PRKN: variants seen among roughly 807,000 people sequenced by gnomAD.
PRKN encodes E3 ubiquitin-protein ligase parkin.
PRKN carries 56 observed loss-of-function variants against 59.5 expected under a neutral mutation model. That is an observed-to-expected ratio of 0.94 (90% confidence interval 0.76 to 1.18). The LOEUF is 1.18. PRKN is among the 50% of genes most tolerant of loss of function. The pLI, the probability that PRKN is intolerant of heterozygous loss-of-function variation, is 0.00. For synonymous variants in PRKN, 250 were observed against 222.1 expected (o/e 1.13, Z -1.12); for missense variants, 657 against 596.4 (o/e 1.10, Z -1.06).
At position 161,369,705 on chromosome 6, in the gene PRKN, T is replaced by G. The variant is rs1342599400; in HGVS notation, c.1168-9500A>C. On this transcript the variant is annotated intron_variant, in intron 10 of 11. Transcript: ENST00000366898. This position sits in a 1 kb window ranked among gnomAD's most constrained non-coding sequence, Gnocchi z 5.8. ...AGGTGGGGGTGGAACAGGACAAGTC[T>G]CTCTCCTAATATACTTCATGGCTGA... 6.6e-6 allele frequency among the ~76,000 whole-genome samples: 1 copy of G among 152,022 alleles called. No individual in the cohort carries two copies. Among genetic ancestry groups the G allele is most frequent in the Non-Finnish European group, 1.5e-5 (1 of 68,014 alleles).
chr6:162,026,493 A>G (rs560810004), intron 5 of PRKN, among the ~76,000 whole-genome samples: 5 of 152,318 alleles, frequency 3.3e-5, no homozygotes, highest in African/African-American at 1.2e-4. Context: ...TCATGCATTA[A>G]GACACATTCA....
chr6:162,470,723 T>G (rs574556135), intron 1 of PRKN, among the ~76,000 whole-genome samples: 1 of 152,262 alleles, frequency 6.6e-6, no homozygotes, highest in South Asian at 2.1e-4. Context: ...CCTGAGGCAT[T>G]CACACTTTAA....
At chr6:162,338,523 G>T (rs942253805) in intron 2 of PRKN, among the ~76,000 whole-genome samples, 1 of 152,176 alleles carries the variant, frequency 6.6e-6, no homozygotes, top group Admixed American at 6.5e-5. Context: ...CGAGGTGCCG[G>T]GATTGCAGAC....
chr6:162,199,544 G>C (rs1445071320), intron 4 of PRKN, among the ~76,000 whole-genome samples: 1 of 152,166 alleles, frequency 6.6e-6, no homozygotes, highest in African/African-American at 2.4e-5. Context: ...CTTAGGCACA[G>C]ATTGGGGTAG....
At chr6:161,729,503 A>G (rs895077539) in intron 7 of PRKN, among the ~76,000 whole-genome samples, 1 of 152,224 alleles carries the variant, frequency 6.6e-6, no homozygotes, top group African/African-American at 2.4e-5. Context: ...AATCAATTCA[A>G]AAAATGTCTT....
intron 2 of PRKN, among the ~76,000 whole-genome samples, chr6:162,297,328 T>C (rs968039351): frequency 6.6e-6 from 1 of 152,154 alleles, no homozygotes; most frequent in African/African-American, 2.4e-5. Context: ...TACAAGATCC[T>C]GGTAGTAATA....
intron 6 of PRKN, among the ~76,000 whole-genome samples, chr6:161,845,044 A>G (rs1472652287): frequency 6.6e-6 from 1 of 152,260 alleles, no homozygotes; most frequent in Non-Finnish European, 1.5e-5. Flanking sequence ...TAGAAAATTC[A>G]AACAGCTTGG....
chr6:161,609,784 T>C (rs972427688), intron 7 of PRKN, among the ~76,000 whole-genome samples: 3 of 152,186 alleles, frequency 2.0e-5, no homozygotes, highest in Non-Finnish European at 4.4e-5. Context: ...TGGACTCAGC[T>C]TGGGGAGTCG....
intron 6 of PRKN, among the ~76,000 whole-genome samples, chr6:161,895,508 C>T (rs1777581964): frequency 7.5e-6 from 1 of 132,682 alleles, no homozygotes; most frequent in African/African-American, 3.5e-5. Flanking sequence ...GCCCACCCCA[C>T]CTGCCGTTAT....
rs753479306 is a variant in PRKN, at chr6:161,525,665, A to G, written c.1083+23189T>C. ...AACAGAGACAAGAGAACCTACCTGC[A>G]CTTAGTATCCCTGTACTTGGGATCT... On this transcript the variant is annotated intron_variant, in intron 9 of 11. Transcript: ENST00000366898. The surrounding 1 kb of genome is among the most constrained non-coding windows in gnomAD (Gnocchi z 4.7). Among the ~76,000 whole-genome samples, 1 of 152,314 alleles carries G rather than the reference A, an allele frequency of 6.6e-6. No homozygotes were observed. Among genetic ancestry groups the G allele is most frequent in the South Asian group, 2.1e-4 (1 of 4,828 alleles).
intron 4 of PRKN, among the ~76,000 whole-genome samples, chr6:162,137,775 A>G (rs1781608879): frequency 6.6e-6 from 1 of 152,224 alleles, no homozygotes; most frequent in African/African-American, 2.4e-5. Flanking sequence ...TCCACTCATG[A>G]GGGCAGAGCC....
In PRKN at chr6:161,445,062, C is replaced by T. The variant is rs186595850; in HGVS notation, c.1084-58185G>A. On this transcript the variant is annotated intron_variant, in intron 9 of 11. Coordinates refer to ENST00000366898, the MANE Select transcript of PRKN (RefSeq NM_004562.3). This position sits in a 1 kb window ranked among gnomAD's most constrained non-coding sequence, Gnocchi z 7.7. The stretch of plus-strand genomic sequence containing the variant: ...TTTTACTCTGGATTCCAAGAGTAGA[C>T]TGGGCTTCAGGGACCAGATGCCAGG... Among the ~76,000 whole-genome samples, 18 of 152,162 alleles carry T rather than the reference C, an allele frequency of 1.2e-4. No homozygotes were observed. Among genetic ancestry groups the T allele is most frequent in the Admixed American group, 9.8e-4 (15 of 15,278 alleles).
intron 7 of PRKN, among the ~76,000 whole-genome samples, chr6:161,572,628 C>T (rs1261380626): frequency 1.3e-5 from 2 of 151,756 alleles, no homozygotes; most frequent in Non-Finnish European, 2.9e-5. Flanking sequence ...CCAATGCACT[C>T]CAGCCTGGGC....
At chr6:161,512,557 C>T (rs1012404636) in intron 9 of PRKN, among the ~76,000 whole-genome samples, 1 of 152,162 alleles carries the variant, frequency 6.6e-6, no homozygotes, top group African/African-American at 2.4e-5. Flanking sequence ...TTTCAGGTCA[C>T]CATATTGAAC....
chr6:162,430,010 T>C (rs970822931), intron 2 of PRKN, among the ~76,000 whole-genome samples: 4 of 152,154 alleles, frequency 2.6e-5, no homozygotes, highest in African/African-American at 9.7e-5. Context: ...AATATCTGCA[T>C]AAAATATTCC....
At chr6:161,828,107 T>C (rs1792323458) in intron 6 of PRKN, among the ~76,000 whole-genome samples, 1 of 152,162 alleles carries the variant, frequency 6.6e-6, no homozygotes, top group African/African-American at 2.4e-5. Flanking sequence ...TCTGAATAAA[T>C]AGAAAGATTC....
At chr6:162,119,817 T>C (rs764753312) in intron 4 of PRKN, among the ~76,000 whole-genome samples, 4 of 152,138 alleles carry the variant, frequency 2.6e-5, no homozygotes, top group Non-Finnish European at 4.4e-5. Context: ...TTTAGATGAC[T>C]CCAGTCTCAG....
At chr6:162,135,116 T>C (rs576399173) in intron 4 of PRKN, among the ~76,000 whole-genome samples, 3 of 152,286 alleles carry the variant, frequency 2.0e-5, no homozygotes, top group Non-Finnish European at 2.9e-5. Flanking sequence ...TTTTAGGGAA[T>C]AATAAAATAT....
chr6:162,382,943 C>G (rs148212859), intron 2 of PRKN, among the ~76,000 whole-genome samples: 66 of 152,268 alleles, frequency 4.3e-4, no homozygotes, highest in African/African-American at 1.5e-3. Flanking sequence ...CTTTGTTCAT[C>G]CGTAAGAAGC....
Sources: gnomAD v4.1 joint callset for allele counts (sites outside exome capture counted in the v4.1 genomes callset) on GRCh38, gnomAD v4.1.1 for gene constraint, Gnocchi (gnomAD v3.1) non-coding constraint, MANE v1.5 for transcripts, NCBI Gene and HGNC (gene_info 2026-07-23, HGNC 2026-07-21) for gene names.